Variants in NTNG1 observed in about 807,000 individuals in gnomAD.
NTNG1 encodes the protein netrin-G1.
Under a neutral mutation model 54.0 loss-of-function variants are expected in NTNG1, and 16 were observed. The observed-to-expected ratio is 0.30, with a 90% CI of 0.20 to 0.45. The LOEUF (loss-of-function observed/expected upper bound fraction) is 0.45. NTNG1 is among the 20% of genes least tolerant of loss of function. The probability of loss-of-function intolerance (pLI) is 1.00; values close to 1 mark genes in which losing one functional copy is unlikely to be tolerated. For missense variants in NTNG1, 530 were observed against 678.7 expected, an observed-to-expected ratio of 0.78 and a Z score of 2.43; for synonymous variants, 255 against 263.1, an observed-to-expected ratio of 0.97 and a Z score of 0.30.
At chr1:107,474,843 T>A (rs1387089967) in intron 7 of NTNG1, among the ~76,000 whole-genome samples, 1 of 152,184 alleles carries the variant, frequency 6.6e-6, no homozygotes, top group Non-Finnish European at 1.5e-5. Context: ...TAAACACTTC[T>A]TAAAGGTCCC....
At chr1:107,179,808 C>G (rs1469323949) in intron 2 of NTNG1, among the ~76,000 whole-genome samples, 1 of 152,140 alleles carries the variant, frequency 6.6e-6, no homozygotes, top group Non-Finnish European at 1.5e-5. Flanking sequence ...CCTGAGTTAT[C>G]TCCATTTCCC....
chr1:107,201,762 G>A (rs569229814), intron 2 of NTNG1, among the ~76,000 whole-genome samples: 1 of 151,990 alleles, frequency 6.6e-6, no homozygotes, highest in South Asian at 2.1e-4. Context: ...AAATGCAATT[G>A]TAGTTATTCA....
chr1:107,199,912 C>A (rs1335039219), intron 2 of NTNG1, among the ~76,000 whole-genome samples: 1 of 151,784 alleles, frequency 6.6e-6, no homozygotes, highest in Non-Finnish European at 1.5e-5. Context: ...CAATCAGTAA[C>A]CTTCTGGACC....
At chr1:107,474,846 A>T (rs1443812969) in intron 7 of NTNG1, among the ~76,000 whole-genome samples, 1 of 152,184 alleles carries the variant, frequency 6.6e-6, no homozygotes, top group Non-Finnish European at 1.5e-5. Context: ...ACACTTCTTA[A>T]AGGTCCCACT....
At chr1:107,159,601 T>A (rs908707710) in intron 2 of NTNG1, among the ~76,000 whole-genome samples, 1 of 152,204 alleles carries the variant, frequency 6.6e-6, no homozygotes, top group African/African-American at 2.4e-5. Context: ...AAACCCACTC[T>A]GACATCTACG....
intron 7 of NTNG1, among the ~76,000 whole-genome samples, chr1:107,438,693 G>T (rs901746305): frequency 2.0e-5 from 3 of 152,136 alleles, no homozygotes; most frequent in Non-Finnish European, 4.4e-5. Flanking sequence ...GTGTACTCAG[G>T]GTAAGACTTG....
chr1:107,288,684 T>C (rs1378417322), intron 2 of NTNG1, among the ~76,000 whole-genome samples: 1 of 152,170 alleles, frequency 6.6e-6, no homozygotes, highest in Non-Finnish European at 1.5e-5. Flanking sequence ...TTGCAAAGGA[T>C]TGACAAATGA....
intron 3 of NTNG1, among the ~76,000 whole-genome samples, chr1:107,374,189 T>C (rs1671091338): frequency 6.6e-6 from 1 of 152,230 alleles, no homozygotes; most frequent in Non-Finnish European, 1.5e-5. Flanking sequence ...GTATTGCTCG[T>C]TTGGGGCATG....
rs1162329293 is a variant in NTNG1 at position 107,334,662 on chromosome 1, G to A, written c.887+9740G>A. ...TTAATCTAACTCCTTTTTCAGATGTGAAACAGAATGGTTAAATGAATTAGT... is the reference window on the plus strand; with the variant it reads ...TTAATCTAACTCCTTTTTCAGATGTAAAACAGAATGGTTAAATGAATTAGT... On this transcript the variant is annotated intron_variant, in intron 3 of 7. Coordinates refer to ENST00000370068, the MANE Select transcript of NTNG1 (RefSeq NM_001113226.3). Among the ~76,000 whole-genome samples the A allele has an allele frequency of 2.0e-5, 3 of 151,596 alleles. No homozygotes were observed. The East Asian group carries it at 5.8e-4, about 29-fold the overall frequency.
intron 2 of NTNG1, among the ~76,000 whole-genome samples, chr1:107,260,649 G>C (rs1230511390): frequency 1.3e-5 from 2 of 152,052 alleles, no homozygotes; most frequent in African/African-American, 4.8e-5. Context: ...AGAATGCCAG[G>C]GCTGAGTTAC....
intron 7 of NTNG1, among the ~76,000 whole-genome samples, chr1:107,464,191 T>C (rs989968878): frequency 4.6e-5 from 7 of 152,318 alleles, no homozygotes; most frequent in East Asian, 3.9e-4. Flanking sequence ...TCGCAATCTG[T>C]GAATAAACTG....
chr1:107,428,204 A>T (rs1217517340), intron 5 of NTNG1, among the ~76,000 whole-genome samples: 2 of 151,952 alleles, frequency 1.3e-5, no homozygotes, highest in Non-Finnish European at 2.9e-5. Flanking sequence ...TAAAATGCTC[A>T]TTCCCTCCTA....
intron 4 of NTNG1, among the ~76,000 whole-genome samples, chr1:107,400,651 GT>G (rs370579128): frequency 0.057 from 8,462 of 147,468 alleles, 508 homozygotes; most frequent in African/African-American, 0.16. Context: ...TGTGGAATAA[GT>G]TTTTTTTTTT....
chr1:107,443,463 T>C lies in NTNG1; in HGVS notation c.1390+6664T>C, dbSNP rs143905600. Among the ~76,000 whole-genome samples the C allele has an allele frequency of 7.9e-5, 12 of 152,202 alleles. No individual in the cohort carries two copies. The East Asian group carries it at 1.9e-3, about 25-fold the overall frequency. On this transcript the variant is annotated intron_variant, in intron 7 of 7. Transcript: ENST00000370068. ...TCCTGACGAATTGTGATCATGAAGG[T>C]ATTAAGATGATGCTTCCAATTGCCT...
At chr1:107,327,453 G>A (rs1324584857) in intron 3 of NTNG1, among the ~76,000 whole-genome samples, 5 of 152,062 alleles carry the variant, frequency 3.3e-5, no homozygotes, top group Admixed American at 2.6e-4. Context: ...AAGATTAATG[G>A]TCTAGATTGT....
chr1:107,449,410 C>T (rs1191537581), intron 7 of NTNG1, among the ~76,000 whole-genome samples: 2 of 151,866 alleles, frequency 1.3e-5, no homozygotes, highest in Admixed American at 1.3e-4. Flanking sequence ...GGATTGAGGA[C>T]TACATATTTA....
intron 2 of NTNG1, among the ~76,000 whole-genome samples, chr1:107,227,531 AG>A (rs1431225553): frequency 6.6e-6 from 1 of 152,032 alleles, no homozygotes; most frequent in Non-Finnish European, 1.5e-5. Context: ...TGGTCCCTTG[AG>A]CAAATCAATT....
At chr1:107,196,231 T>C (rs111326638) in intron 2 of NTNG1, among the ~76,000 whole-genome samples, 1 of 152,010 alleles carries the variant, frequency 6.6e-6, no homozygotes, top group Non-Finnish European at 1.5e-5. Context: ...GATGGACTTA[T>C]GTTTAAACAT....
At chr1:107,306,007 C>T (rs1160350128) in intron 2 of NTNG1, among the ~76,000 whole-genome samples, 2 of 152,144 alleles carry the variant, frequency 1.3e-5, no homozygotes, top group African/African-American at 4.8e-5. Context: ...CATTCAAGCA[C>T]TCATTGGTGC....
Sources: gnomAD v4.1 joint callset for allele counts (sites outside exome capture counted in the v4.1 genomes callset) on GRCh38, gnomAD v4.1.1 for gene constraint, MANE v1.5 for transcripts, NCBI Gene and HGNC (gene_info 2026-07-23, HGNC 2026-07-21) for gene names.